LRRCC1: variants seen among roughly 807,000 people sequenced by gnomAD.
LRRCC1 encodes the protein leucine-rich repeat and coiled-coil domain-containing protein 1.
A neutral mutation model predicts 126.0 loss-of-function variants in LRRCC1; 115 were observed. That is an observed-to-expected ratio of 0.91 (90% CI 0.78 to 1.07). LRRCC1 has a LOEUF of 1.07. LRRCC1 is among the 50% of genes least tolerant of loss of function. The pLI is 0.00. For missense variants in LRRCC1, 1,172 were observed against 1,175.7 expected (o/e 1.00, Z 0.05); for synonymous variants, 400 against 393.4 (o/e 1.02, Z -0.20).
intron 18 of LRRCC1, among the ~76,000 whole-genome samples, chr8:85,144,195 G>A (rs1447498102): frequency 2.0e-5 from 3 of 151,960 alleles, no homozygotes; most frequent in African/African-American, 4.8e-5. Flanking sequence ...CTACATTAAA[G>A]ATAGGGTTTC....
In LRRCC1 at chr8:85,145,498, A is replaced by T. The variant is rs547591278; in HGVS notation, c.3086A>T (p.Gln1029Leu). ...CTTGCTTTTGCTTTAAATGAAATTC[A>T]GCAAGATATGTGATGGTTCTGAGAA... ...KQLAFALNEIQQDM is the reference protein window; with the variant it reads ...KQLAFALNEILQDM Residue 1029 changes from glutamine (Q) to leucine (L), a missense_variant, in exon 19 of 19, where the codon CAG (glutamine) becomes CTG (leucine). Coordinates refer to ENST00000360375, the MANE Select transcript of LRRCC1 (RefSeq NM_033402.5). The T allele has an allele frequency of 8.1e-5, 129 of 1,585,972 alleles. 1 individual carries two copies. The highest frequency in any genetic ancestry group is 4.3e-6 in the Non-Finnish European group (5 of 1,171,286).
chr8:85,128,570 A>G (rs1396655181), intron 9 of LRRCC1, among the ~76,000 whole-genome samples: 1 of 151,916 alleles, frequency 6.6e-6, no homozygotes, highest in Non-Finnish European at 1.5e-5. Flanking sequence ...AATTTCAAAA[A>G]ATGAATCTTA....
intron 12 of LRRCC1, among the ~76,000 whole-genome samples, chr8:85,132,420 C>T (rs1463761918): frequency 4.4e-5 from 6 of 137,430 alleles, no homozygotes; most frequent in Admixed American, 4.0e-4. Context: ...GATAGAGTCT[C>T]GCTCTGTTGC....
At chr8:85,109,856 T>C (rs2135911453) in intron 2 of LRRCC1, 56 bp downstream of exon 2, 1 of 898,850 alleles carries the variant, frequency 1.1e-6, no homozygotes, top group African/African-American at 1.7e-5. Flanking sequence ...TTAGGTCCAT[T>C]TTTTTCCCCA....
intron 9 of LRRCC1, among the ~76,000 whole-genome samples, chr8:85,127,619 G>A (rs571975949): frequency 6.6e-6 from 1 of 152,246 alleles, no homozygotes; most frequent in South Asian, 2.1e-4. Context: ...GATGTACACA[G>A]TTCACAGCCC....
rs553270535 is a variant in LRRCC1 at position 85,123,540 on chromosome 8, T to C, written c.1058T>C (p.Ile353Thr). Residue 353 changes from isoleucine (I) to threonine (T), a missense_variant, in exon 7 of 19, where the codon ATC becomes ACC. Coordinates refer to ENST00000360375, the MANE Select transcript of LRRCC1 (RefSeq NM_033402.5). Reference protein sequence around the residue: ...CNRKVPRRSKIPYDAKTIQTI... With the variant: ...CNRKVPRRSKTPYDAKTIQTI... ...AGAAAAGTTCCTCGAAGATCAAAAATCCCTTATGATGCCAAAACCATTCAA... is the reference window on the plus strand; with the variant it reads ...AGAAAAGTTCCTCGAAGATCAAAAACCCCTTATGATGCCAAAACCATTCAA... 1.2e-6 allele frequency: 2 copies of C among 1,610,676 alleles called. No individual in the cohort carries two copies. The highest frequency in any genetic ancestry group is 1.1e-5 in the South Asian group (1 of 90,468).
Position 85,129,298 on chromosome 8 carries a change from G to C in LRRCC1, c.1545G>C (p.Glu515Asp). The C allele has an allele frequency of 6.2e-7, 1 of 1,613,686 alleles. No homozygotes were observed. The highest frequency in any genetic ancestry group is 8.5e-7 in the Non-Finnish European group (1 of 1,179,862). ...VELMKAKDQQ[E>D]DHLKHLRTLE... is the part of the protein sequence containing the mutation. ...TAATGAAAGCAAAAGATCAACAAGA[G>C]GATCACCTTAAACACTTAAGAACCC... Residue 515 changes from glutamate (E) to aspartate (D), a missense_variant, in exon 10 of 19, where the codon GAG becomes GAC. Glu to Asp is a conservative substitution (Grantham distance 45). Transcript: ENST00000360375.
chr8:85,108,813 A>G (rs562959405), intron 1 of LRRCC1: 44 of 152,316 alleles, frequency 2.9e-4, no homozygotes, highest in Non-Finnish European at 5.9e-4. Context: ...TCTCCCATCT[A>G]GCAACTCCAA....
intron 4 of LRRCC1, among the ~76,000 whole-genome samples, chr8:85,113,528 A>T (rs1269706162): frequency 6.6e-6 from 1 of 152,088 alleles, no homozygotes; most frequent in Non-Finnish European, 1.5e-5. Context: ...ACACACATAC[A>T]CAAACATTTA....
intron 13 of LRRCC1, 108 bp from the exon 14 acceptor site, chr8:85,135,681 T>C (rs1486565283): frequency 4.3e-6 from 3 of 695,870 alleles, no homozygotes; most frequent in East Asian, 6.9e-5. Context: ...TTTGGTAATA[T>C]TTACTTGTAT....
intron 12 of LRRCC1, among the ~76,000 whole-genome samples, chr8:85,134,314 T>C (rs1172315777): frequency 1.3e-5 from 2 of 152,306 alleles, no homozygotes; most frequent in East Asian, 3.9e-4. Context: ...TTTTATTCTG[T>C]GGTATTCACT....
intron 8 of LRRCC1, among the ~76,000 whole-genome samples, chr8:85,126,407 A>G (rs917934175): frequency 6.6e-6 from 1 of 152,080 alleles, no homozygotes; most frequent in Non-Finnish European, 1.5e-5. Context: ...AAATACAAAA[A>G]AACAGCCAAG....
chr8:85,137,347 G>A, intron 14 of LRRCC1, 117 bp from the exon 15 acceptor site: 2 of 578,062 alleles, frequency 3.5e-6, no homozygotes, highest in Non-Finnish European at 5.3e-6. Flanking sequence ...ACTATTATAA[G>A]CTATGTTTCT....
intron 14 of LRRCC1, 135 bp downstream of exon 14, chr8:85,136,098 T>A: frequency 1.6e-6 from 1 of 643,056 alleles, no homozygotes; most frequent in Non-Finnish European, 2.4e-6. Flanking sequence ...GAAGGATAAG[T>A]AGGCATTTGC....
intron 18 of LRRCC1, among the ~76,000 whole-genome samples, chr8:85,144,440 GTGTGTATA>G (rs1286072486): frequency 2.1e-3 from 78 of 37,204 alleles, no homozygotes; most frequent in Middle Eastern, 0.01. Context: ...GTGTGTGTGT[GTGTGTATA>G]TATATATATA....
Position 85,115,225 on chromosome 8 carries a change from T to C in LRRCC1, c.670T>C (p.Leu224=). 6.2e-7 allele frequency: 1 copy of C among 1,612,110 alleles called. No homozygotes were observed. Among genetic ancestry groups the C allele is most frequent in the Non-Finnish European group, 8.5e-7 (1 of 1,179,048 alleles). ...SSQLQCLEGL[L]DNLVSSDSPL... The stretch of plus-strand genomic sequence containing the variant: ...ACAGCTGCAGTGCCTAGAAGGTCTT[T>C]TGGATAATTTAGTTTCTTCTGATTC... Residue 224 remains leucine, a synonymous_variant, in exon 5 of 19, where the codon TTG becomes CTG. Transcript: ENST00000360375.
At chr8:85,131,098 G>A (rs1204434121) in intron 11 of LRRCC1, among the ~76,000 whole-genome samples, 1 of 151,980 alleles carries the variant, frequency 6.6e-6, no homozygotes, top group African/African-American at 2.4e-5. Flanking sequence ...ATAAATTTTG[G>A]TGCTCTGGGG....
At chr8:85,119,481 G>T (rs186919909) in intron 6 of LRRCC1, among the ~76,000 whole-genome samples, 9 of 143,718 alleles carry the variant, frequency 6.3e-5, no homozygotes, top group African/African-American at 2.3e-4. Flanking sequence ...TTACTTTGCT[G>T]TTTGTTTTCT....
At chr8:85,121,519 G>T (rs542621651) in intron 6 of LRRCC1, among the ~76,000 whole-genome samples, 2 of 151,968 alleles carry the variant, frequency 1.3e-5, no homozygotes, top group African/African-American at 4.8e-5. Flanking sequence ...TCAGCTCACC[G>T]CAACCTCCAC....
Sources: gnomAD v4.1 joint callset for allele counts (sites outside exome capture counted in the v4.1 genomes callset) on GRCh38, gnomAD v4.1.1 for gene constraint, MANE v1.5 for transcripts, NCBI Gene and HGNC (gene_info 2026-07-23, HGNC 2026-07-21) for gene names.